ADAMTSL1: variants seen among roughly 807,000 people sequenced by gnomAD.
The protein encoded by ADAMTSL1 is ADAMTS-like protein 1.
In ADAMTSL1, 126 loss-of-function variants were observed where a neutral mutation model predicts 201.8. The ratio of observed to expected loss-of-function variants is 0.62; its 90% CI spans 0.54 to 0.72. The LOEUF (loss-of-function observed/expected upper bound fraction) is 0.72, where lower values mean the gene tolerates loss of function less well. Among genes scored for constraint, ADAMTSL1 ranks in the 30% least tolerant of loss-of-function variants. ADAMTSL1 has a pLI of 0.00. For synonymous variants in ADAMTSL1, 1,121 were observed against 903.4 expected (o/e 1.24, Z -4.32); for missense variants, 2,679 against 2,277.8 (o/e 1.18, Z -3.59).
intron 2 of ADAMTSL1, among the ~76,000 whole-genome samples, chr9:18,267,382 G>C (rs1405538443): frequency 6.6e-6 from 1 of 152,052 alleles, no homozygotes; most frequent in Non-Finnish European, 1.5e-5. Flanking sequence ...GTAAACACAG[G>C]ACCTGACTCT....
intron 2 of ADAMTSL1, among the ~76,000 whole-genome samples, chr9:18,515,434 A>G (rs1393852012): frequency 2.0e-5 from 3 of 152,108 alleles, no homozygotes; most frequent in Non-Finnish European, 4.4e-5. Context: ...TCCCAGTTTC[A>G]AACCGTCCTC....
intron 2 of ADAMTSL1, among the ~76,000 whole-genome samples, chr9:18,383,923 T>C (rs1837672904): frequency 6.6e-6 from 1 of 152,182 alleles, no homozygotes; most frequent in Admixed American, 6.5e-5. Context: ...TCTGATTCAG[T>C]AGGTCTAGAA....
At chr9:18,880,464 T>A (rs760675593) in intron 23 of ADAMTSL1, among the ~76,000 whole-genome samples, 14 of 152,220 alleles carry the variant, frequency 9.2e-5, no homozygotes. Flanking sequence ...AATAAGAATC[T>A]CCTTATACAT....
At chr9:17,943,364 T>C (rs1221077857) in intron 1 of ADAMTSL1, among the ~76,000 whole-genome samples, 2 of 152,162 alleles carry the variant, frequency 1.3e-5, no homozygotes, top group Non-Finnish European at 2.9e-5. Flanking sequence ...ATTATTGTAT[T>C]TTGGGGAGTT....
intron 1 of ADAMTSL1, among the ~76,000 whole-genome samples, chr9:18,097,424 T>C (rs1436192611): frequency 6.6e-6 from 1 of 152,226 alleles, no homozygotes; most frequent in South Asian, 2.1e-4. Flanking sequence ...TTTGCTTTGG[T>C]AAATACCTAG....
chr9:17,943,783 TAA>T (rs887567451), intron 1 of ADAMTSL1, among the ~76,000 whole-genome samples: 1 of 151,994 alleles, frequency 6.6e-6, no homozygotes, highest in African/African-American at 2.4e-5. Flanking sequence ...GGGTAATTTA[TAA>T]AAAAAGAGGT....
intron 2 of ADAMTSL1, among the ~76,000 whole-genome samples, chr9:18,295,800 T>C (rs1173335884): frequency 6.6e-6 from 1 of 152,120 alleles, no homozygotes; most frequent in Non-Finnish European, 1.5e-5. Flanking sequence ...TTAGATAAAA[T>C]CTGTAATGAA....
intron 2 of ADAMTSL1, among the ~76,000 whole-genome samples, chr9:18,181,280 A>G (rs1418640825): frequency 6.6e-6 from 1 of 152,248 alleles, no homozygotes; most frequent in Non-Finnish European, 1.5e-5. Flanking sequence ...GCCAAAATTG[A>G]CAAATGGGAT....
At chr9:18,328,238 C>T (rs1047458654) in intron 2 of ADAMTSL1, among the ~76,000 whole-genome samples, 2 of 152,182 alleles carry the variant, frequency 1.3e-5, no homozygotes, top group African/African-American at 4.8e-5. Context: ...CATGTGTGTT[C>T]TCAGCCGAAT....
At chr9:18,089,166 A>C (rs1823897068) in intron 1 of ADAMTSL1, among the ~76,000 whole-genome samples, 2 of 152,178 alleles carry the variant, frequency 1.3e-5, no homozygotes, top group Non-Finnish European at 2.9e-5. Flanking sequence ...AAACCAAAAA[A>C]AAGAAAACAA....
chr9:18,637,091 G>T (rs1002534336), intron 6 of ADAMTSL1, among the ~76,000 whole-genome samples: 19 of 152,136 alleles, frequency 1.2e-4, no homozygotes, highest in African/African-American at 4.3e-4. Flanking sequence ...CATGGAAGAG[G>T]TGGGATTTGA....
chr9:18,240,341 CTT>C (rs34029558), intron 2 of ADAMTSL1, among the ~76,000 whole-genome samples: 2 of 147,658 alleles, frequency 1.4e-5, no homozygotes, highest in African/African-American at 5.0e-5. Context: ...TAAAATGAAT[CTT>C]TTTTTTTTTT....
At chr9:18,655,512 T>A (rs1377325532) in intron 7 of ADAMTSL1, among the ~76,000 whole-genome samples, 3 of 152,132 alleles carry the variant, frequency 2.0e-5, no homozygotes, top group African/African-American at 7.2e-5. Context: ...AGAACAGAGT[T>A]TCTCCAAGTA....
chr9:18,178,733 A>T (rs1347186617), intron 2 of ADAMTSL1, among the ~76,000 whole-genome samples: 1 of 152,102 alleles, frequency 6.6e-6, no homozygotes, highest in African/African-American at 2.4e-5. Context: ...ACCCCCGAGC[A>T]GCCTAACTGG....
At chr9:18,057,069 C>T (rs751579539) in intron 1 of ADAMTSL1, among the ~76,000 whole-genome samples, 5 of 152,178 alleles carry the variant, frequency 3.3e-5, no homozygotes, top group Non-Finnish European at 7.3e-5. Context: ...CTAGGCTTTA[C>T]GTTGTCCTGG....
chr9:17,938,845 A>T (rs1588446364), intron 1 of ADAMTSL1, among the ~76,000 whole-genome samples: 1 of 152,114 alleles, frequency 6.6e-6, no homozygotes, highest in South Asian at 2.1e-4. Context: ...CTGACTTTCC[A>T]TGGCTTTCCC....
chr9:18,369,277 C>T (rs1010194592), intron 2 of ADAMTSL1, among the ~76,000 whole-genome samples: 1 of 152,138 alleles, frequency 6.6e-6, no homozygotes, highest in African/African-American at 2.4e-5. Context: ...ATTAATTAGC[C>T]TTACTAAATC....
chr9:18,472,759 C>T (rs1821267355), upstream of ADAMTSL1, among the ~76,000 whole-genome samples: 1 of 152,140 alleles, frequency 6.6e-6, no homozygotes, highest in African/African-American at 2.4e-5. Context: ...TTCTAAATGT[C>T]TTGTACCTCC....
At chr9:18,406,299 C>CTTTTCTTTTCTTTTCTTTT (rs1818195230) in intron 2 of ADAMTSL1, among the ~76,000 whole-genome samples, 1 of 90,122 alleles carries the variant, frequency 1.1e-5, no homozygotes, top group Non-Finnish European at 2.1e-5. Context: ...TTTTTCTTTT[C>CTTTTCTTTTCTTTTCTTTT]TTTTCTTTTC....
Sources: gnomAD v4.1 joint callset for allele counts (sites outside exome capture counted in the v4.1 genomes callset) on GRCh38, gnomAD v4.1.1 for gene constraint, MANE v1.5 for transcripts, NCBI Gene and HGNC (gene_info 2026-07-23, HGNC 2026-07-21) for gene names.